The following PARD3B variants were observed in gnomAD, a reference collection of about 807,000 sequenced individuals.
The protein encoded by PARD3B is par-3 family cell polarity regulator beta.
PARD3B carries 103 observed loss-of-function variants against 130.2 expected under a neutral mutation model. The ratio of observed to expected loss-of-function variants is 0.79; its 90% CI spans 0.67 to 0.93. The LOEUF (loss-of-function observed/expected upper bound fraction) is 0.93. Among genes scored for constraint, PARD3B ranks in the 40% least tolerant of loss-of-function variants. The pLI, the probability that PARD3B is intolerant of heterozygous loss-of-function variation, is 0.00. For synonymous variants in PARD3B, 583 were observed against 553.2 expected (o/e 1.05, Z -0.76); for missense variants, 1,609 against 1,499.2 (o/e 1.07, Z -1.21).
intron 20 of PARD3B, among the ~76,000 whole-genome samples, chr2:205,450,149 ATATT>A (rs2048046361): frequency 6.6e-6 from 1 of 152,208 alleles, no homozygotes; most frequent in Non-Finnish European, 1.5e-5. Context: ...AATGTCAACT[ATATT>A]TAGGAAGATT....
rs893756179 is a variant in PARD3B, at chr2:205,105,797, G to A, written c.593+1283G>A. Among the ~76,000 whole-genome samples the A allele has an allele frequency of 6.6e-6, 1 of 151,574 alleles. No individual in the cohort carries two copies. The highest frequency in any genetic ancestry group is 2.4e-5 in the African/African-American group (1 of 41,330). On this transcript the variant is annotated intron_variant, in intron 5 of 22. Transcript: ENST00000406610. This position sits in a 1 kb window ranked among gnomAD's most constrained non-coding sequence, Gnocchi z 4.0. ...TCTGAAGAAAAAAAAAAGGCGGGGGGATATGGGGTAGGGAGTAATAGAAAA... is the reference window on the plus strand; with the variant it reads ...TCTGAAGAAAAAAAAAAGGCGGGGGAATATGGGGTAGGGAGTAATAGAAAA...
intron 2 of PARD3B, among the ~76,000 whole-genome samples, chr2:204,739,440 A>G (rs918641170): frequency 6.6e-6 from 1 of 151,952 alleles, no homozygotes; most frequent in Non-Finnish European, 1.5e-5. Flanking sequence ...TGGGGGTTTC[A>G]TCATCTCTAT....
intron 16 of PARD3B, among the ~76,000 whole-genome samples, chr2:205,261,234 ATAAT>A (rs1417217078): frequency 6.6e-6 from 1 of 152,110 alleles, no homozygotes; most frequent in African/African-American, 2.4e-5. Context: ...CTAGAGTCTA[ATAAT>A]TGTTTGTTAA....
At chr2:205,020,179 A>G (rs1696488342) in intron 3 of PARD3B, among the ~76,000 whole-genome samples, 1 of 152,080 alleles carries the variant, frequency 6.6e-6, no homozygotes, top group African/African-American at 2.4e-5. Flanking sequence ...TCTCATCCTT[A>G]AGACTTGGGG....
At chr2:205,441,546 TC>T (rs2047716316) in intron 20 of PARD3B, among the ~76,000 whole-genome samples, 1 of 152,226 alleles carries the variant, frequency 6.6e-6, no homozygotes. Context: ...CAGAGGGCTC[TC>T]ATTCTGGATG....
At chr2:204,622,083 A>G (rs930155202) in intron 1 of PARD3B, among the ~76,000 whole-genome samples, 2 of 152,196 alleles carry the variant, frequency 1.3e-5, no homozygotes, top group African/African-American at 4.8e-5. Context: ...GAGAAATGGA[A>G]ATAGTGACAG....
intron 10 of PARD3B, among the ~76,000 whole-genome samples, chr2:205,155,834 A>G: frequency 6.6e-6 from 1 of 152,132 alleles, no homozygotes; most frequent in East Asian, 1.9e-4. Flanking sequence ...TTTTGGCTGC[A>G]TAAGTGTCTT....
At chr2:204,803,160 A>AT (rs201868826) in intron 2 of PARD3B, among the ~76,000 whole-genome samples, 6,195 of 126,796 alleles carry the variant, frequency 0.049, 99 homozygotes, top group Middle Eastern at 0.073. Context: ...AAAAAAAAAA[A>AT]AAAATATATA....
intron 1 of PARD3B, among the ~76,000 whole-genome samples, chr2:204,616,121 C>T (rs899939810): frequency 6.6e-6 from 1 of 152,110 alleles, no homozygotes; most frequent in Non-Finnish European, 1.5e-5. Flanking sequence ...AATTGATTAC[C>T]TGGATTTTCA....
intron 1 of PARD3B, among the ~76,000 whole-genome samples, chr2:204,563,217 G>GTCTCTCTCTCTC (rs35536964): frequency 0.012 from 1,039 of 86,514 alleles, 86 homozygotes; most frequent in East Asian, 0.015. Context: ...TCTTCCCGCT[G>GTCTCTCTCTCTC]TCTCTCTCTC....
Position 205,244,101 on chromosome 2 carries a change from C to T in PARD3B, c.2141-1677C>T, listed in dbSNP as rs138570930. Reference sequence around the variant, plus strand: ...AACAATATTTTTAAGCAGTTGGGAACAGAATAATCACAGATATGTAGTGCT... The same window carrying T: ...AACAATATTTTTAAGCAGTTGGGAATAGAATAATCACAGATATGTAGTGCT... On this transcript the variant is annotated intron_variant, in intron 15 of 22. Coordinates refer to ENST00000406610, the MANE Select transcript of PARD3B (RefSeq NM_001302769.2). The surrounding 1 kb of genome is among the most constrained non-coding windows in gnomAD (Gnocchi z 4.7). Among the ~76,000 whole-genome samples the T allele has an allele frequency of 1.6e-3, 249 of 151,888 alleles. No homozygotes were observed. The highest frequency in any genetic ancestry group is 0.014 in the South Asian group (69 of 4,794).
chr2:205,588,797 G>A (rs2054285479), intron 22 of PARD3B, among the ~76,000 whole-genome samples: 1 of 152,144 alleles, frequency 6.6e-6, no homozygotes, highest in African/African-American at 2.4e-5. Flanking sequence ...CCATGTCATG[G>A]CGGAGCTTCA....
chr2:205,140,876 A>C lies in PARD3B; in HGVS notation c.1434+15139A>C, dbSNP rs557148810. Among the ~76,000 whole-genome samples, 3 of 152,300 alleles carry C rather than the reference A, an allele frequency of 2.0e-5. No homozygotes were observed. In the South Asian group the frequency reaches 6.2e-4, roughly 32 times the overall value. On this transcript the variant is annotated intron_variant, in intron 10 of 22. Coordinates refer to ENST00000406610, the MANE Select transcript of PARD3B (RefSeq NM_001302769.2). ...TTAGCAGAAAAAAATGAAGTCGAAA[A>C]GGCATCTGAACATACAGTCTTCATT...
intron 2 of PARD3B, among the ~76,000 whole-genome samples, chr2:204,894,443 A>AC (rs1441576559): frequency 6.6e-6 from 1 of 150,798 alleles, no homozygotes; most frequent in Non-Finnish European, 1.5e-5. Flanking sequence ...AGGCATTTTT[A>AC]CTTTTTTTTT....
intron 10 of PARD3B, among the ~76,000 whole-genome samples, chr2:205,136,324 C>A (rs1183686261): frequency 6.6e-6 from 1 of 152,130 alleles, no homozygotes; most frequent in African/African-American, 2.4e-5. Context: ...TTATATAGAA[C>A]TTATTTACTT....
At chr2:205,210,413 A>T (rs868347393) in intron 15 of PARD3B, among the ~76,000 whole-genome samples, 2 of 152,020 alleles carry the variant, frequency 1.3e-5, no homozygotes, top group Non-Finnish European at 2.9e-5. Flanking sequence ...CTTCTACAAC[A>T]TTATCTTTTA....
At position 204,855,553 on chromosome 2, in the gene PARD3B, ATAT is replaced by A. The variant is rs1184328765; in HGVS notation, c.223-109598_223-109596del. On this transcript the variant is annotated intron_variant, in intron 2 of 22. Coordinates refer to ENST00000406610, the MANE Select transcript of PARD3B (RefSeq NM_001302769.2). ...AAGACTCCCTCTAAAAGAAAAAAAAATATATATATATATATATATAAGGAATTT... is the reference window on the plus strand; with the variant it reads ...AAGACTCCCTCTAAAAGAAAAAAAAAATATATATATATATATAAGGAATTT... Among the ~76,000 whole-genome samples the A allele has an allele frequency of 2.3e-3, 275 of 121,074 alleles. 1 individual carries two copies. Among genetic ancestry groups the A allele is most frequent in the Middle Eastern group, 8.4e-3 (2 of 238 alleles). The allele number at this position is 121,074 out of a possible 152,430, so 79.4% of individuals were successfully genotyped here. A position where few individuals can be genotyped will look rare whatever the true frequency, so the allele number is the denominator to read the frequency against.
intron 2 of PARD3B, among the ~76,000 whole-genome samples, chr2:204,901,759 C>G (rs1466574567): frequency 6.6e-6 from 1 of 152,002 alleles, no homozygotes; most frequent in Non-Finnish European, 1.5e-5. Flanking sequence ...GTGAGAACGG[C>G]CTGGGTACTG....
Position 205,440,786 on chromosome 2 carries a change from C to T in PARD3B, c.3044+114C>T. 8.9e-7 allele frequency: 1 copy of T among 1,121,740 alleles called. No individual in the cohort carries two copies. Among genetic ancestry groups the T allele is most frequent in the South Asian group, 1.6e-5 (1 of 62,678 alleles). The allele number at this position is 1,121,740 out of a possible 1,614,324, so 69.5% of individuals were successfully genotyped here. On this transcript the variant is annotated intron_variant, in intron 20 of 22. Transcript: ENST00000406610. The surrounding 1 kb of genome is among the most constrained non-coding windows in gnomAD (Gnocchi z 4.2). ...TCAATCAATTAAAACTGAAACGAGT[C>T]AGTACCCTAGACAAGTGCCATCCTT...
Sources: allele counts gnomAD v4.1 joint callset (sites outside exome capture counted in the v4.1 genomes callset), GRCh38; gene constraint gnomAD v4.1.1; non-coding constraint Gnocchi (gnomAD v3.1); transcripts MANE v1.5; gene names NCBI Gene and HGNC (gene_info 2026-07-23, HGNC 2026-07-21).